The following ARHGAP22 variants were observed in gnomAD, a reference collection of about 807,000 sequenced individuals.
ARHGAP22 encodes the protein Rho GTPase activating protein 22, also known as rho GTPase-activating protein 22.
ARHGAP22 carries 48 observed loss-of-function variants against 59.1 expected under a neutral mutation model. The ratio of observed to expected loss-of-function variants is 0.81; its 90% confidence interval spans 0.64 to 1.03. ARHGAP22 has a LOEUF of 1.03. Ranked by LOEUF, ARHGAP22 falls within the 50% of genes least tolerant of loss-of-function variation. The pLI, the probability that ARHGAP22 is intolerant of heterozygous loss-of-function variation, is 0.00. For missense variants in ARHGAP22, 1,015 were observed against 958.7 expected (o/e 1.06, Z -0.78); for synonymous variants, 445 against 416.4 (o/e 1.07, Z -0.84).
intron 3 of ARHGAP22, among the ~76,000 whole-genome samples, chr10:48,489,922 A>T (rs1002569490): frequency 2.0e-5 from 3 of 151,988 alleles, no homozygotes; most frequent in Admixed American, 1.3e-4. Context: ...TTTAGTAGAG[A>T]TGGGGTTTCA....
intron 8 of ARHGAP22, among the ~76,000 whole-genome samples, chr10:48,452,969 C>T (rs1426741267): frequency 1.3e-5 from 2 of 152,214 alleles, no homozygotes; most frequent in Non-Finnish European, 2.9e-5. Context: ...GAAAAGCAAA[C>T]ATGTCTGTGT....
At chr10:48,547,747 G>A (rs1020798517) in intron 3 of ARHGAP22, among the ~76,000 whole-genome samples, 2 of 152,228 alleles carry the variant, frequency 1.3e-5, no homozygotes, top group African/African-American at 4.8e-5. Flanking sequence ...CCACAAGTAG[G>A]AATTGCTCCT....
chr10:48,471,605 C>T (rs1185772755), intron 4 of ARHGAP22, among the ~76,000 whole-genome samples: 1 of 152,198 alleles, frequency 6.6e-6, no homozygotes, highest in Non-Finnish European at 1.5e-5. Flanking sequence ...TCCCTTCTTA[C>T]TTCATAACAA....
intron 3 of ARHGAP22, among the ~76,000 whole-genome samples, chr10:48,486,046 G>GT (rs1318651037): frequency 6.6e-6 from 1 of 151,742 alleles, no homozygotes; most frequent in Non-Finnish European, 1.5e-5. Context: ...TGGAGTTTTT[G>GT]TTTTTTGTTT....
chr10:48,628,871 G>T (rs925375027), intron 1 of ARHGAP22, among the ~76,000 whole-genome samples: 6 of 152,074 alleles, frequency 3.9e-5, no homozygotes, highest in African/African-American at 1.4e-4. Context: ...CATCAACCTG[G>T]GGAGTCTGAG....
intron 3 of ARHGAP22, among the ~76,000 whole-genome samples, chr10:48,504,411 C>A (rs1467012611): frequency 6.6e-6 from 1 of 152,150 alleles, no homozygotes; most frequent in Non-Finnish European, 1.5e-5. Context: ...GGAGACAAGG[C>A]CCCCGCTCTC....
intron 3 of ARHGAP22, among the ~76,000 whole-genome samples, chr10:48,540,146 A>C (rs1205808485): frequency 6.6e-6 from 1 of 152,216 alleles, no homozygotes; most frequent in African/African-American, 2.4e-5. Flanking sequence ...AAGTCAGCCA[A>C]TACATAATAA....
intron 1 of ARHGAP22, among the ~76,000 whole-genome samples, chr10:48,639,324 A>G (rs954416463): frequency 1.3e-5 from 2 of 152,232 alleles, no homozygotes; most frequent in African/African-American, 4.8e-5. Context: ...GACTGTATGC[A>G]TGTGCAGTGG....
At chr10:48,628,655 C>A (rs1589235816) in intron 1 of ARHGAP22, among the ~76,000 whole-genome samples, 2 of 152,190 alleles carry the variant, frequency 1.3e-5, no homozygotes, top group East Asian at 3.8e-4. Flanking sequence ...AAATTTAAAG[C>A]ATATGAACTT....
At chr10:48,615,646 AT>A (rs1290495016) in intron 1 of ARHGAP22, among the ~76,000 whole-genome samples, 2 of 152,232 alleles carry the variant, frequency 1.3e-5, no homozygotes, top group African/African-American at 4.8e-5. Flanking sequence ...AGAACTGTCC[AT>A]AATGGAGCTC....
chr10:48,498,428 G>C (rs1242813150), intron 3 of ARHGAP22, among the ~76,000 whole-genome samples: 1 of 152,118 alleles, frequency 6.6e-6, no homozygotes, highest in African/African-American at 2.4e-5. Flanking sequence ...CCTTGCCCAA[G>C]CCAGGAGCCA....
At chr10:48,472,779 C>T (rs1446854774) in intron 4 of ARHGAP22, among the ~76,000 whole-genome samples, 1 of 151,460 alleles carries the variant, frequency 6.6e-6, no homozygotes, top group East Asian at 1.9e-4. Flanking sequence ...ACCGTATGAA[C>T]AATGAGATAA....
intron 4 of ARHGAP22, among the ~76,000 whole-genome samples, chr10:48,466,308 G>A (rs372292455): frequency 1.6e-4 from 25 of 151,852 alleles, no homozygotes; most frequent in African/African-American, 5.8e-4. Flanking sequence ...CTACATGCGG[G>A]ACGCCCACAG....
chr10:48,609,961 T>C (rs2060819963), upstream of ARHGAP22, among the ~76,000 whole-genome samples: 1 of 152,268 alleles, frequency 6.6e-6, no homozygotes, highest in Admixed American at 6.5e-5. Flanking sequence ...TTGGTGGCCT[T>C]GCCCTGCTTG....
chr10:48,459,692 C>T lies in ARHGAP22; in HGVS notation c.651G>A (p.Leu217=). The T allele has an allele frequency of 6.2e-7, 1 of 1,614,176 alleles. No individual in the cohort carries two copies. The highest frequency in any genetic ancestry group is 8.5e-7 in the Non-Finnish European group (1 of 1,180,018). Reference sequence around the variant, plus strand: ...CCCGATCACAAGCTCACCTGTCAAACAGTGGCTTCTCCCCACAGTCGAAGG... The same window carrying T: ...CCCGATCACAAGCTCACCTGTCAAATAGTGGCTTCTCCCCACAGTCGAAGG... ...QDSFDCGEKP[L]FDSTTDVHTV... Residue 217 remains leucine (L), a synonymous_variant, in exon 5 of 10, where the codon CTG becomes CTA. Transcript: ENST00000249601.
intron 5 of ARHGAP22, 127 bp downstream of exon 5, chr10:48,459,557 A>T: frequency 9.2e-7 from 1 of 1,087,622 alleles, no homozygotes; most frequent in Non-Finnish European, 1.4e-6. Context: ...CACTCTGCCC[A>T]CTAGGAGGGC....
intron 1 of ARHGAP22, among the ~76,000 whole-genome samples, chr10:48,645,872 A>C (rs2062273049): frequency 6.6e-6 from 1 of 152,182 alleles, no homozygotes; most frequent in Non-Finnish European, 1.5e-5. Flanking sequence ...GAGGCAGAGA[A>C]AAATTTAAAG....
At chr10:48,635,304 C>T (rs553931453) in intron 1 of ARHGAP22, among the ~76,000 whole-genome samples, 1 of 152,352 alleles carries the variant, frequency 6.6e-6, no homozygotes, top group East Asian at 1.9e-4. Context: ...CATACTCCTC[C>T]AAGGTTGGTA....
Position 48,576,721 on chromosome 10 carries a change from G to A in ARHGAP22, c.234+6232C>T, listed in dbSNP as rs147628056. Among the ~76,000 whole-genome samples the A allele has an allele frequency of 7.7e-3, 1,172 of 152,214 alleles. 4 individuals are homozygous for A. Among genetic ancestry groups the A allele is most frequent in the Non-Finnish European group, 0.012 (796 of 68,020 alleles). ...TCTTCCCCTGCCATTGCCTGAATCT[G>A]TCACCACGTTCTATGGTCTCAGATG... On this transcript the variant is annotated intron_variant, in intron 2 of 9. Coordinates refer to ENST00000249601, the MANE Select transcript of ARHGAP22 (RefSeq NM_021226.4).
Sources: allele counts gnomAD v4.1 joint callset (sites outside exome capture counted in the v4.1 genomes callset), GRCh38; gene constraint gnomAD v4.1.1; transcripts MANE v1.5; gene names NCBI Gene and HGNC (gene_info 2026-07-23, HGNC 2026-07-21).